TIAM1: variants seen among roughly 807,000 people sequenced by gnomAD.
TIAM1 encodes the protein TIAM Rac1 associated GEF 1.
TIAM1 carries 65 observed loss-of-function variants against 163.5 expected under a neutral mutation model. The ratio of observed to expected loss-of-function variants is 0.40; its 90% CI spans 0.33 to 0.49. The LOEUF (loss-of-function observed/expected upper bound fraction) is 0.49. Among genes scored for constraint, TIAM1 ranks in the 20% least tolerant of loss-of-function variants. The pLI, the probability that TIAM1 is intolerant of heterozygous loss-of-function variation, is 0.77. For missense variants in TIAM1, 1,789 were observed against 2,044.7 expected (o/e 0.87, Z 2.41); for synonymous variants, 833 against 810.1 (o/e 1.03, Z -0.48).
At chr21:31,471,170 G>T (rs1289196871) in intron 1 of TIAM1, among the ~76,000 whole-genome samples, 1 of 152,206 alleles carries the variant, frequency 6.6e-6, no homozygotes, top group East Asian at 1.9e-4. Flanking sequence ...GAGAACAGCA[G>T]AGCGGACCAC....
chr21:31,215,028 T>C (rs1371769081), intron 9 of TIAM1, among the ~76,000 whole-genome samples: 1 of 152,184 alleles, frequency 6.6e-6, no homozygotes, highest in East Asian at 1.9e-4. Flanking sequence ...CTCATACTTT[T>C]AGAAAAAATA....
chr21:31,249,414 C>T (rs761689708), intron 5 of TIAM1, among the ~76,000 whole-genome samples: 12 of 152,184 alleles, frequency 7.9e-5, no homozygotes, highest in Non-Finnish European at 1.5e-4. Context: ...GTCTGTGGTG[C>T]TTTGCTATGG....
intron 2 of TIAM1, among the ~76,000 whole-genome samples, chr21:31,442,073 A>ATATATC (rs1437676292): frequency 8.9e-6 from 1 of 112,086 alleles, no homozygotes; most frequent in Admixed American, 9.5e-5. Flanking sequence ...ATAAATAAAT[A>ATATATC]TATATATATA....
At chr21:31,459,967 C>T (rs1209324696) in intron 2 of TIAM1, among the ~76,000 whole-genome samples, 2 of 152,134 alleles carry the variant, frequency 1.3e-5, no homozygotes, top group Non-Finnish European at 2.9e-5. Context: ...GGTGCTTTTC[C>T]TCATACTTAT....
chr21:31,222,707 A>ATTTTTTTT (rs527864043), intron 8 of TIAM1, among the ~76,000 whole-genome samples: 2 of 32,886 alleles, frequency 6.1e-5, no homozygotes, highest in African/African-American at 2.7e-4. Flanking sequence ...ATATATATAT[A>ATTTTTTTT]TTTTTTTTTT....
chr21:31,267,019 C>A, intron 3 of TIAM1, 36 bp from the exon 4 acceptor site: 1 of 1,559,962 alleles, frequency 6.4e-7, no homozygotes, highest in South Asian at 1.2e-5. Flanking sequence ...AGAATTGAGT[C>A]ACTATTAGTA....
At chr21:31,205,501 A>G (rs2086403797) in intron 11 of TIAM1, among the ~76,000 whole-genome samples, 1 of 152,266 alleles carries the variant, frequency 6.6e-6, no homozygotes. Context: ...ACTGTCAGGC[A>G]CAAATAGCCT....
chr21:31,506,842 G>A (rs1194302739), intron 1 of TIAM1, among the ~76,000 whole-genome samples: 3 of 152,128 alleles, frequency 2.0e-5, no homozygotes, highest in Admixed American at 6.5e-5. Flanking sequence ...CACTTTAACC[G>A]GGAGGCAGAG....
rs1601093944 is a variant in TIAM1 at position 31,556,234 on chromosome 21, T to C, written c.-422+2693A>G. ...TTCTGAGAGTTCAACTTTAAATAGGTTATCATATTTATTAATTGACATCTA... is the reference window on the plus strand; with the variant it reads ...TTCTGAGAGTTCAACTTTAAATAGGCTATCATATTTATTAATTGACATCTA... On this transcript the variant is annotated intron_variant, in intron 1 of 28. Transcript: ENST00000286827. Among the ~76,000 whole-genome samples, 3 of 152,146 alleles carry C rather than the reference T, an allele frequency of 2.0e-5. No homozygotes were observed. The South Asian group carries it at 6.2e-4, about 32-fold the overall frequency.
At chr21:31,303,748 C>T (rs887905984) in intron 2 of TIAM1, among the ~76,000 whole-genome samples, 2 of 152,068 alleles carry the variant, frequency 1.3e-5, no homozygotes, top group Non-Finnish European at 2.9e-5. Context: ...GAGGCTGAGG[C>T]GGGTGGATCA....
intron 13 of TIAM1, among the ~76,000 whole-genome samples, chr21:31,189,044 CTTTTTTTTTTTTTT>C (rs58786753): frequency 1.3e-4 from 9 of 70,070 alleles, no homozygotes; most frequent in Admixed American, 7.3e-4. Context: ...TCCATTCCCT[CTTTTTTTTTTTTTT>C]TTTTTTTTTT....
At chr21:31,136,523 C>A (rs1244287312) in intron 22 of TIAM1, among the ~76,000 whole-genome samples, 1 of 152,080 alleles carries the variant, frequency 6.6e-6, no homozygotes, top group Non-Finnish European at 1.5e-5. Flanking sequence ...TATGAAATCT[C>A]CTAATTGAAA....
At chr21:31,152,571 G>A (rs575242115) in intron 19 of TIAM1, 65 bp downstream of exon 19, 38 of 1,595,702 alleles carry the variant, frequency 2.4e-5, no homozygotes, top group East Asian at 1.8e-4. Context: ...ACATCAACAC[G>A]ATCAGGGGAT....
At chr21:31,510,200 G>A (rs928772330) in intron 1 of TIAM1, among the ~76,000 whole-genome samples, 18 of 152,164 alleles carry the variant, frequency 1.2e-4, no homozygotes, top group East Asian at 3.9e-4. Flanking sequence ...ACTGGAGTCC[G>A]CGACCAAAGG....
chr21:31,243,147 G>A (rs1472914309), intron 6 of TIAM1, among the ~76,000 whole-genome samples: 1 of 138,282 alleles, frequency 7.2e-6, no homozygotes, highest in African/African-American at 2.7e-5. Flanking sequence ...AGCTGAGATT[G>A]TGCCATTGCA....
At chr21:31,327,863 G>C (rs2075547579) in intron 2 of TIAM1, among the ~76,000 whole-genome samples, 1 of 152,112 alleles carries the variant, frequency 6.6e-6, no homozygotes, top group East Asian at 1.9e-4. Context: ...CAACGCAGCT[G>C]TCAGGGAGAA....
chr21:31,297,481 G>A (rs1243546428), intron 2 of TIAM1, among the ~76,000 whole-genome samples: 7 of 152,166 alleles, frequency 4.6e-5, no homozygotes, highest in East Asian at 1.9e-4. Context: ...TGCAATCTCC[G>A]TCTCTTGGGT....
intron 1 of TIAM1, among the ~76,000 whole-genome samples, chr21:31,487,839 G>A (rs1183838566): frequency 6.6e-6 from 1 of 151,340 alleles, no homozygotes; most frequent in Admixed American, 6.6e-5. Flanking sequence ...TTACAGGCGT[G>A]AGCCACCGCG....
At chr21:31,241,526 C>T (rs1035383486) in intron 6 of TIAM1, among the ~76,000 whole-genome samples, 1 of 152,104 alleles carries the variant, frequency 6.6e-6, no homozygotes, top group Non-Finnish European at 1.5e-5. Context: ...ATAACAAAGC[C>T]TAAATATTTC....
Sources: gnomAD v4.1 joint callset for allele counts (sites outside exome capture counted in the v4.1 genomes callset) on GRCh38, gnomAD v4.1.1 for gene constraint, MANE v1.5 for transcripts, NCBI Gene and HGNC (gene_info 2026-07-23, HGNC 2026-07-21) for gene names.